The following CREB3L2 variants were observed in gnomAD, a reference collection of about 807,000 sequenced individuals.
CREB3L2 encodes the protein cAMP responsive element binding protein 3 like 2, also known as cyclic AMP-responsive element-binding protein 3-like protein 2.
In CREB3L2, 23 loss-of-function variants were observed where a neutral mutation model predicts 57.2. The ratio of observed to expected loss-of-function variants is 0.40; its 90% CI spans 0.29 to 0.57. The LOEUF is 0.57. Ranked by LOEUF, CREB3L2 falls within the 20% of genes least tolerant of loss-of-function variation. The pLI is 0.42. For missense variants in CREB3L2, 628 were observed against 634.7 expected, an observed-to-expected ratio of 0.99 and a Z score of 0.11; for synonymous variants, 268 against 265.1, an observed-to-expected ratio of 1.01 and a Z score of -0.11.
At chr7:137,997,461 C>T (rs1265568333) in intron 1 of CREB3L2, among the ~76,000 whole-genome samples, 1 of 151,568 alleles carries the variant, frequency 6.6e-6, no homozygotes, top group Non-Finnish European at 1.5e-5. Context: ...TGGCTCACAC[C>T]TGTAATCCCA....
chr7:137,991,813 C>A (rs1215580672), intron 1 of CREB3L2, among the ~76,000 whole-genome samples: 1 of 151,490 alleles, frequency 6.6e-6, no homozygotes, highest in Non-Finnish European at 1.5e-5. Flanking sequence ...GAGACTGAGG[C>A]ACAAGAATCA....
chr7:137,935,205 G>T (rs1332290815), intron 1 of CREB3L2, among the ~76,000 whole-genome samples: 3 of 152,164 alleles, frequency 2.0e-5, no homozygotes, highest in Non-Finnish European at 2.9e-5. Flanking sequence ...TGTGTCATGA[G>T]AATTAAACTA....
chr7:137,898,569 C>T (rs1799673505), intron 8 of CREB3L2, among the ~76,000 whole-genome samples: 2 of 152,212 alleles, frequency 1.3e-5, no homozygotes, highest in Admixed American at 6.5e-5. Context: ...GTATTGATCT[C>T]TCTAGCCAAT....
At chr7:137,939,598 G>C (rs1800848167) in intron 1 of CREB3L2, among the ~76,000 whole-genome samples, 1 of 152,126 alleles carries the variant, frequency 6.6e-6, no homozygotes, top group Non-Finnish European at 1.5e-5. Flanking sequence ...TGCCACAACA[G>C]ACAGCTGAAT....
chr7:137,892,253 A>C (rs1013897963), intron 8 of CREB3L2, among the ~76,000 whole-genome samples: 18 of 151,268 alleles, frequency 1.2e-4, no homozygotes, highest in African/African-American at 4.4e-4. Flanking sequence ...GTACATGTTC[A>C]TGTGGTAGTC....
intron 3 of CREB3L2, among the ~76,000 whole-genome samples, chr7:137,915,519 G>A (rs2117219069): frequency 6.6e-6 from 1 of 152,002 alleles, no homozygotes; most frequent in South Asian, 2.1e-4. Context: ...CCTTTCCACT[G>A]CTTAAAAATC....
rs1325098039 is a variant in CREB3L2 at position 137,976,683 on chromosome 7, T to C, written c.102+24921A>G. On this transcript the variant is annotated intron_variant, in intron 1 of 11. Transcript: ENST00000330387. ...AGTATATATAAACACAAATCCAATC[T>C]GGAGACTATTTTAAAAAATCTTATG... Among the ~76,000 whole-genome samples the C allele has an allele frequency of 2.6e-5, 4 of 152,346 alleles. No homozygotes were observed. In the East Asian group the frequency reaches 7.7e-4, roughly 29 times the overall value.
chr7:137,927,307 G>C (rs1366682035), intron 2 of CREB3L2, among the ~76,000 whole-genome samples: 6 of 134,174 alleles, frequency 4.5e-5, no homozygotes, highest in Admixed American at 4.3e-4. Context: ...GGTGGGAGGG[G>C]AAGGGAGGCA....
chr7:137,907,083 C>T (rs1005391216), intron 5 of CREB3L2, among the ~76,000 whole-genome samples: 1 of 152,152 alleles, frequency 6.6e-6, no homozygotes, highest in South Asian at 2.1e-4. Flanking sequence ...TGAATTGGGC[C>T]TCCTGAAAGA....
intron 3 of CREB3L2, 70 bp from the exon 4 acceptor site, chr7:137,913,148 A>AT: frequency 1.4e-6 from 2 of 1,481,286 alleles, no homozygotes; most frequent in Non-Finnish European, 1.8e-6. Context: ...CAGGAGAGCT[A>AT]TTTGTCACCT....
intron 8 of CREB3L2, among the ~76,000 whole-genome samples, chr7:137,889,510 T>C (rs564903931): frequency 6.6e-6 from 1 of 152,354 alleles, no homozygotes; most frequent in East Asian, 1.9e-4. Flanking sequence ...AATCTAACTC[T>C]TTAAGATGAG....
intron 1 of CREB3L2, chr7:137,955,258 A>G (rs1438946695): frequency 7.8e-7 from 1 of 1,288,520 alleles, no homozygotes; most frequent in Non-Finnish European, 1.0e-6. Flanking sequence ...GTATAGAAAA[A>G]GCACGTGTTC....
At chr7:137,938,361 T>G (rs915973674) in intron 1 of CREB3L2, among the ~76,000 whole-genome samples, 5 of 152,150 alleles carry the variant, frequency 3.3e-5, no homozygotes, top group African/African-American at 9.7e-5. Context: ...TTGTTTGTTT[T>G]TTGAGACAGA....
At chr7:137,902,641 T>A (rs937108725) in intron 7 of CREB3L2, among the ~76,000 whole-genome samples, 3 of 152,194 alleles carry the variant, frequency 2.0e-5, no homozygotes, top group African/African-American at 7.2e-5. Context: ...AGTCCCTGAT[T>A]AAAAAATGGT....
rs1802067976 is a variant in CREB3L2 at position 138,001,177 on chromosome 7, G to A, written c.102+427C>T. On this transcript the variant is annotated intron_variant, in intron 1 of 11. Coordinates refer to ENST00000330387, the MANE Select transcript of CREB3L2 (RefSeq NM_194071.4). The surrounding 1 kb of genome is among the most constrained non-coding windows in gnomAD (Gnocchi z 4.2). ...AAAGAAGAGGAAGGGAGGGAGAGAG[G>A]GAGAGAGAATACGAGACAGATGAAA... Among the ~76,000 whole-genome samples the A allele has an allele frequency of 6.8e-6, 1 of 147,536 alleles. No individual in the cohort carries two copies. Among genetic ancestry groups the A allele is most frequent in the Non-Finnish European group, 1.5e-5 (1 of 66,530 alleles).
At chr7:137,966,826 C>T (rs1359858279) in intron 1 of CREB3L2, among the ~76,000 whole-genome samples, 2 of 152,206 alleles carry the variant, frequency 1.3e-5, no homozygotes, top group East Asian at 3.9e-4. Context: ...CAAGGTAACA[C>T]TCTCATTACA....
chr7:137,967,224 T>C (rs1404424397), intron 1 of CREB3L2, among the ~76,000 whole-genome samples: 2 of 152,204 alleles, frequency 1.3e-5, no homozygotes, highest in African/African-American at 2.4e-5. Context: ...TCTCCAGAGC[T>C]GTAAGAAATA....
chr7:137,902,467 G>A (rs966743545), intron 7 of CREB3L2, among the ~76,000 whole-genome samples: 1 of 152,122 alleles, frequency 6.6e-6, no homozygotes, highest in Non-Finnish European at 1.5e-5. Flanking sequence ...TGGTGCTGGG[G>A]CACGCATGCC....
intron 1 of CREB3L2, among the ~76,000 whole-genome samples, chr7:137,946,818 CTATATAGTTATCTATA>C (rs1800993609): frequency 1.6e-4 from 3 of 18,672 alleles, no homozygotes; most frequent in African/African-American, 8.1e-4. Context: ...ATATAGTTAT[CTATATAGTTATCTATA>C]TATAGTTATC....
Sources: gnomAD v4.1 joint callset for allele counts (sites outside exome capture counted in the v4.1 genomes callset) on GRCh38, gnomAD v4.1.1 for gene constraint, Gnocchi (gnomAD v3.1) non-coding constraint, MANE v1.5 for transcripts, NCBI Gene and HGNC (gene_info 2026-07-23, HGNC 2026-07-21) for gene names.